The following NRG1 variants were observed in gnomAD, a reference collection of about 807,000 sequenced individuals.
NRG1 encodes the protein neuregulin 1, also known as pro-neuregulin-1, membrane-bound isoform.
NRG1 carries 18 observed loss-of-function variants against 63.8 expected under a neutral mutation model. The observed-to-expected ratio is 0.28, with a 90% CI of 0.19 to 0.42. NRG1 has a LOEUF of 0.42. NRG1 is among the 10% of genes least tolerant of loss of function. NRG1 has a pLI of 1.00. For missense variants in NRG1, 762 were observed against 814.7 expected (o/e 0.94, Z 0.79); for synonymous variants, 302 against 301.3 (o/e 1.00, Z -0.02).
chr8:32,396,101 A>G (rs1798981473), intron 1 of NRG1, among the ~76,000 whole-genome samples: 1 of 152,216 alleles, frequency 6.6e-6, no homozygotes, highest in African/African-American at 2.4e-5. Flanking sequence ...TCCTTAAACC[A>G]GTAACACGCT....
At position 31,778,195 on chromosome 8, in the gene NRG1, AG is replaced by A. The variant is rs1369090807; in HGVS notation, c.37+138766del. 4.7e-4 allele frequency among the ~76,000 whole-genome samples: 71 copies of A among 152,168 alleles called. 1 individual carries two copies. Among genetic ancestry groups the A allele is most frequent in the Non-Finnish European group, 7.3e-5 (5 of 68,034 alleles). On this transcript the variant is annotated intron_variant, in intron 1 of 10. Transcript: ENST00000519301. ...TGTTGCCAGCTGCCCTCCGAGGCAG[AG>A]GATCTTTTCACTTTTCTCCTATTAC...
chr8:32,081,250 G>T (rs1006862213), intron 1 of NRG1, among the ~76,000 whole-genome samples: 2 of 151,888 alleles, frequency 1.3e-5, no homozygotes, highest in African/African-American at 4.9e-5. Context: ...ATCTCCAAAT[G>T]TGGTCACATT....
At chr8:32,219,076 G>A (rs1845545243) in intron 1 of NRG1, among the ~76,000 whole-genome samples, 1 of 152,084 alleles carries the variant, frequency 6.6e-6, no homozygotes, top group South Asian at 2.1e-4. Context: ...ACAGAAATAT[G>A]ATTTCAAAAA....
chr8:32,699,320 A>T (rs1344339842), intron 5 of NRG1, among the ~76,000 whole-genome samples: 1 of 152,190 alleles, frequency 6.6e-6, no homozygotes, highest in Non-Finnish European at 1.5e-5. Context: ...GTTGACGGTG[A>T]TTGAGGGGCT....
chr8:32,144,465 G>A (rs756563854), intron 1 of NRG1, among the ~76,000 whole-genome samples: 13 of 152,006 alleles, frequency 8.6e-5, no homozygotes, highest in South Asian at 2.1e-4. Flanking sequence ...TTGTTTCATC[G>A]TCTAGAATGT....
intron 1 of NRG1, among the ~76,000 whole-genome samples, chr8:32,074,122 C>G (rs1393869329): frequency 6.6e-6 from 1 of 152,126 alleles, no homozygotes; most frequent in African/African-American, 2.4e-5. Context: ...TCAAGAGGTA[C>G]TATACTAAAC....
At chr8:31,983,223 A>G (rs550424705) in intron 1 of NRG1, among the ~76,000 whole-genome samples, 1 of 152,246 alleles carries the variant, frequency 6.6e-6, no homozygotes, top group Admixed American at 6.6e-5. Flanking sequence ...AGAGACACTC[A>G]TCCAATTTCT....
At position 32,372,051 on chromosome 8, in the gene NRG1, C is replaced by T. The variant is rs1238819148; in HGVS notation, c.38-223777C>T. Among the ~76,000 whole-genome samples the T allele has an allele frequency of 4.4e-5, 6 of 137,284 alleles. No individual in the cohort carries two copies. In the East Asian group the frequency reaches 8.3e-4, roughly 19 times the overall value. The allele number at this position is 137,284 out of a possible 152,430, so 90.1% of individuals were successfully genotyped here. On this transcript the variant is annotated intron_variant, in intron 1 of 10. Coordinates refer to the NRG1 transcript ENST00000519301. ...TCACCCAGGCTGGAGTGCAATTGTG[C>T]GATCATGACTGACTGTGGTGTCAAC...
At chr8:32,333,480 G>C (rs1802893643) in intron 1 of NRG1, among the ~76,000 whole-genome samples, 1 of 152,108 alleles carries the variant, frequency 6.6e-6, no homozygotes, top group Non-Finnish European at 1.5e-5. Context: ...ATAAATATTT[G>C]TAAAACATGG....
chr8:32,383,155 T>C (rs1420014498), intron 1 of NRG1, among the ~76,000 whole-genome samples: 13 of 152,004 alleles, frequency 8.6e-5, no homozygotes. Context: ...GAGCCCAGGA[T>C]TGGAGGCTGC....
chr8:32,513,369 GA>G (rs1829444990), intron 1 of NRG1, among the ~76,000 whole-genome samples: 1 of 146,786 alleles, frequency 6.8e-6, no homozygotes. Flanking sequence ...AAGCAAGCAA[GA>G]AAAAGGGAAA....
intron 1 of NRG1, among the ~76,000 whole-genome samples, chr8:31,963,578 T>C (rs1805826875): frequency 6.6e-6 from 1 of 152,234 alleles, no homozygotes; most frequent in Non-Finnish European, 1.5e-5. Flanking sequence ...TATTTCCACA[T>C]ACGTGGTGGC....
intron 1 of NRG1, among the ~76,000 whole-genome samples, chr8:31,777,696 G>A (rs1819283025): frequency 6.6e-6 from 1 of 152,212 alleles, no homozygotes; most frequent in African/African-American, 2.4e-5. Context: ...GAGGGCCTTA[G>A]GAAGCTTCCA....
intron 1 of NRG1, among the ~76,000 whole-genome samples, chr8:31,765,377 A>G (rs146609215): frequency 0.016 from 2,444 of 152,270 alleles, 28 homozygotes; most frequent in Non-Finnish European, 0.025. Flanking sequence ...ATTGAATAAA[A>G]GCAGTGAGAG....
chr8:32,680,722 G>A (rs1355736327), intron 5 of NRG1, among the ~76,000 whole-genome samples: 5 of 151,972 alleles, frequency 3.3e-5, no homozygotes, highest in African/African-American at 9.7e-5. Flanking sequence ...TGTAACCTGT[G>A]CCGAAGTTTA....
chr8:31,842,825 C>G (rs528224688), intron 1 of NRG1, among the ~76,000 whole-genome samples: 2 of 152,222 alleles, frequency 1.3e-5, no homozygotes, highest in East Asian at 3.9e-4. Context: ...ACATTTCCTT[C>G]TTGTGTCTGG....
At chr8:32,737,973 T>G (rs1410032893) in intron 6 of NRG1, among the ~76,000 whole-genome samples, 1 of 152,146 alleles carries the variant, frequency 6.6e-6, no homozygotes, top group African/African-American at 2.4e-5. Context: ...ACACCTGGCC[T>G]GAAAGTCTCC....
At chr8:32,489,258 C>T (rs573936337) in intron 1 of NRG1, among the ~76,000 whole-genome samples, 38 of 152,260 alleles carry the variant, frequency 2.5e-4, no homozygotes, top group Non-Finnish European at 2.8e-4. Context: ...AGGCGTTCTT[C>T]GGGTGAATGC....
At chr8:32,610,585 A>G (rs1339237102) in intron 3 of NRG1, among the ~76,000 whole-genome samples, 2 of 152,194 alleles carry the variant, frequency 1.3e-5, no homozygotes, top group Non-Finnish European at 2.9e-5. Flanking sequence ...TGGGTGTAAC[A>G]GTGGCCATAC....
Sources: gnomAD v4.1 joint callset for allele counts (sites outside exome capture counted in the v4.1 genomes callset) on GRCh38, gnomAD v4.1.1 for gene constraint, MANE v1.5 for transcripts, NCBI Gene and HGNC (gene_info 2026-07-23, HGNC 2026-07-21) for gene names.